Variants in PLCXD3 observed in about 807,000 individuals in gnomAD.
PLCXD3 encodes the protein phosphatidylinositol specific phospholipase C X domain containing 3.
A neutral mutation model predicts 25.5 loss-of-function variants in PLCXD3; 19 were observed. That is an observed-to-expected ratio of 0.75 (90% confidence interval 0.52 to 1.09). PLCXD3 has a LOEUF of 1.09. Among genes scored for constraint, PLCXD3 ranks in the 50% least tolerant of loss-of-function variants. PLCXD3 has a pLI of 0.00. For synonymous variants in PLCXD3, 174 were observed against 137.6 expected (o/e 1.26, Z -1.85); for missense variants, 411 against 388.1 (o/e 1.06, Z -0.50).
At chr5:41,489,054 T>A (rs1462299626) in intron 1 of PLCXD3, among the ~76,000 whole-genome samples, 1 of 152,250 alleles carries the variant, frequency 6.6e-6, no homozygotes, top group Non-Finnish European at 1.5e-5. Context: ...AGGGTTTTTA[T>A]GGTTTTAGGT....
intron 2 of PLCXD3, among the ~76,000 whole-genome samples, chr5:41,376,498 A>C (rs1280160947): frequency 6.6e-6 from 1 of 151,634 alleles, no homozygotes; most frequent in Non-Finnish European, 1.5e-5. Context: ...TTTTTCCTCG[A>C]CTCATCCCCC....
intron 1 of PLCXD3, among the ~76,000 whole-genome samples, chr5:41,505,543 C>T (rs1304768239): frequency 6.6e-6 from 1 of 152,164 alleles, no homozygotes; most frequent in Non-Finnish European, 1.5e-5. Context: ...CAACCTGCAA[C>T]TTATAACAGA....
chr5:41,431,266 T>C (rs1747093273), intron 1 of PLCXD3, among the ~76,000 whole-genome samples: 1 of 152,228 alleles, frequency 6.6e-6, no homozygotes. Flanking sequence ...CACTGGCCTA[T>C]TCTCTGTTTT....
chr5:41,374,745 C>T (rs948761363), intron 2 of PLCXD3, among the ~76,000 whole-genome samples: 1 of 152,084 alleles, frequency 6.6e-6, no homozygotes, highest in Non-Finnish European at 1.5e-5. Flanking sequence ...TTGAGGAGAT[C>T]GCTTTCCCTC....
intron 2 of PLCXD3, among the ~76,000 whole-genome samples, chr5:41,342,985 C>A (rs79081818): frequency 0.02 from 3,078 of 152,146 alleles, 180 homozygotes; most frequent in East Asian, 0.13. Flanking sequence ...ACTAACAAAT[C>A]AGCAGCTTCA....
chr5:41,477,840 G>A (rs1212396426), intron 1 of PLCXD3, among the ~76,000 whole-genome samples: 1 of 152,164 alleles, frequency 6.6e-6, no homozygotes, highest in African/African-American at 2.4e-5. Flanking sequence ...CTCATTAAAA[G>A]CCTTCATCTC....
chr5:41,389,553 G>A (rs1351354481), intron 1 of PLCXD3, among the ~76,000 whole-genome samples: 1 of 152,112 alleles, frequency 6.6e-6, no homozygotes, highest in African/African-American at 2.4e-5. Context: ...ATAACCAACT[G>A]TAGCTAAAGG....
chr5:41,342,404 C>T (rs1306862252), intron 2 of PLCXD3, among the ~76,000 whole-genome samples: 1 of 152,088 alleles, frequency 6.6e-6, no homozygotes, highest in Non-Finnish European at 1.5e-5. Context: ...GTACTGATTT[C>T]ACCATCTGTC....
intron 1 of PLCXD3, among the ~76,000 whole-genome samples, chr5:41,505,677 G>A (rs763412935): frequency 2.6e-5 from 4 of 152,288 alleles, no homozygotes; most frequent in East Asian, 1.9e-4. Context: ...AAGTGCTATC[G>A]ATGGCCAATA....
At chr5:41,468,062 G>C (rs972272260) in intron 1 of PLCXD3, among the ~76,000 whole-genome samples, 3 of 121,120 alleles carry the variant, frequency 2.5e-5, no homozygotes, top group Non-Finnish European at 3.2e-5. Flanking sequence ...TTGTCACCCA[G>C]GCTGGAGTGC....
intron 2 of PLCXD3, among the ~76,000 whole-genome samples, chr5:41,334,920 T>A (rs1743936693): frequency 6.6e-6 from 1 of 152,180 alleles, no homozygotes; most frequent in South Asian, 2.1e-4. Context: ...CTATTTTGTC[T>A]TCTAGTTTTC....
At position 41,311,733 on chromosome 5, in the gene PLCXD3, C is replaced by T. The variant is rs1248954079; in HGVS notation, c.*1884G>A. 1 of 152,128 alleles carries T rather than the reference C, an allele frequency of 6.6e-6. No homozygotes were observed. Among genetic ancestry groups the T allele is most frequent in the African/African-American group, 2.4e-5 (1 of 41,420 alleles). 9.4% of individuals were successfully genotyped at this position (152,128 alleles called of 1,614,324 possible). On this transcript the variant is annotated 3_prime_UTR_variant, in exon 3 of 3. Coordinates refer to ENST00000377801, the MANE Select transcript of PLCXD3 (RefSeq NM_001005473.3). ...TCAGTATAAACAATTTCTTTTCCTC[C>T]CTTTAATTGCTAATAAGTACTATTT...
chr5:41,495,773 C>G (rs2150527097), intron 1 of PLCXD3, among the ~76,000 whole-genome samples: 1 of 152,136 alleles, frequency 6.6e-6, no homozygotes, highest in South Asian at 2.1e-4. Flanking sequence ...TTTCCCTTTA[C>G]AAATCCAGTT....
chr5:41,449,138 T>C (rs1042157813), intron 1 of PLCXD3, among the ~76,000 whole-genome samples: 1 of 152,196 alleles, frequency 6.6e-6, no homozygotes, highest in Admixed American at 6.5e-5. Context: ...GTATATTATT[T>C]TATCTATTAT....
chr5:41,419,126 G>C (rs183600004), intron 1 of PLCXD3, among the ~76,000 whole-genome samples: 48 of 151,726 alleles, frequency 3.2e-4, no homozygotes, highest in African/African-American at 1.1e-3. Context: ...GGCAGGGGGT[G>C]GGGGAAGAAA....
At chr5:41,333,561 T>C (rs1237935047) in intron 2 of PLCXD3, among the ~76,000 whole-genome samples, 3 of 152,156 alleles carry the variant, frequency 2.0e-5, no homozygotes, top group African/African-American at 7.2e-5. Flanking sequence ...GCTTATGGTT[T>C]TTGCTAAATT....
intron 1 of PLCXD3, among the ~76,000 whole-genome samples, chr5:41,454,330 A>T (rs1384557596): frequency 6.6e-6 from 1 of 151,994 alleles, no homozygotes; most frequent in Non-Finnish European, 1.5e-5. Context: ...TATTTTTCAT[A>T]GTTCTTGAGG....
intron 2 of PLCXD3, among the ~76,000 whole-genome samples, chr5:41,380,853 A>T (rs1745437123): frequency 1.3e-5 from 2 of 152,264 alleles, no homozygotes; most frequent in South Asian, 4.1e-4. Flanking sequence ...AATAATATGT[A>T]CAATTCAGTA....
chr5:41,475,417 G>A (rs1419519181), intron 1 of PLCXD3, among the ~76,000 whole-genome samples: 1 of 152,114 alleles, frequency 6.6e-6, no homozygotes, highest in Non-Finnish European at 1.5e-5. Flanking sequence ...ACTAGTCTTT[G>A]CTAGTCTCTG....
Sources: allele counts gnomAD v4.1 joint callset (sites outside exome capture counted in the v4.1 genomes callset), GRCh38; gene constraint gnomAD v4.1.1; transcripts MANE v1.5; gene names NCBI Gene and HGNC (gene_info 2026-07-23, HGNC 2026-07-21).